Variants in PRKN observed in about 807,000 individuals in gnomAD.
The protein encoded by PRKN is parkin RBR E3 ubiquitin protein ligase, also known as E3 ubiquitin-protein ligase parkin.
PRKN carries 56 observed loss-of-function variants against 59.5 expected under a neutral mutation model. That is an observed-to-expected ratio of 0.94 (90% confidence interval 0.76 to 1.18). The LOEUF (loss-of-function observed/expected upper bound fraction) is 1.18, where lower values mean the gene tolerates loss of function less well. Among genes scored for constraint, PRKN ranks in the 50% most tolerant of loss-of-function variants. The pLI is 0.00. For missense variants in PRKN, 657 were observed against 596.4 expected (o/e 1.10, Z -1.06); for synonymous variants, 250 against 222.1 (o/e 1.13, Z -1.12).
chr6:162,203,415 G>A (rs370418153), intron 3 of PRKN, among the ~76,000 whole-genome samples: 10 of 152,096 alleles, frequency 6.6e-5, no homozygotes, highest in Non-Finnish European at 1.5e-4. Flanking sequence ...TGGCTGCAGC[G>A]CTTTTCAAGC....
At chr6:162,485,988 G>A (rs778130860) in intron 1 of PRKN, among the ~76,000 whole-genome samples, 3 of 152,246 alleles carry the variant, frequency 2.0e-5, no homozygotes, top group South Asian at 2.1e-4. Flanking sequence ...CACACAAATC[G>A]CTAACAAATT....
chr6:162,420,304 A>T (rs1788894253), intron 2 of PRKN, among the ~76,000 whole-genome samples: 1 of 152,148 alleles, frequency 6.6e-6, no homozygotes, highest in South Asian at 2.1e-4. Context: ...TGTTTAAAAT[A>T]CCATAGCCTG....
At chr6:161,864,748 C>A (rs920015371) in intron 6 of PRKN, among the ~76,000 whole-genome samples, 1 of 152,044 alleles carries the variant, frequency 6.6e-6, no homozygotes, top group African/African-American at 2.4e-5. Flanking sequence ...CCTCCACGTC[C>A]CAAGTTCAAG....
intron 4 of PRKN, among the ~76,000 whole-genome samples, chr6:162,184,475 G>C (rs1216561561): frequency 6.6e-6 from 1 of 152,118 alleles, no homozygotes; most frequent in Non-Finnish European, 1.5e-5. Context: ...TCATGATAGG[G>C]ATTAAGTTCT....
intron 7 of PRKN, among the ~76,000 whole-genome samples, chr6:161,642,408 C>T (rs1783777399): frequency 6.6e-6 from 1 of 152,064 alleles, no homozygotes; most frequent in Non-Finnish European, 1.5e-5. Context: ...GATCACAGTG[C>T]TTATTTTAAT....
At chr6:162,578,879 C>A (rs1005601551) in intron 1 of PRKN, among the ~76,000 whole-genome samples, 3 of 152,018 alleles carry the variant, frequency 2.0e-5, no homozygotes, top group Non-Finnish European at 4.4e-5. Flanking sequence ...AAAAGGAAAA[C>A]AAATTTTACT....
intron 4 of PRKN, among the ~76,000 whole-genome samples, chr6:162,195,837 G>C (rs1234577390): frequency 1.3e-5 from 2 of 152,128 alleles, no homozygotes; most frequent in Non-Finnish European, 2.9e-5. Context: ...GGAGGGATTA[G>C]CAATTCATAA....
intron 6 of PRKN, among the ~76,000 whole-genome samples, chr6:161,895,234 C>T (rs1777567128): frequency 6.6e-6 from 1 of 152,176 alleles, no homozygotes; most frequent in African/African-American, 2.4e-5. Context: ...AAGCTTTGCT[C>T]CAGCTTCACT....
intron 1 of PRKN, among the ~76,000 whole-genome samples, chr6:162,613,756 A>C (rs1782287103): frequency 6.6e-6 from 1 of 152,212 alleles, no homozygotes; most frequent in Non-Finnish European, 1.5e-5. Flanking sequence ...AATGGCTGAT[A>C]AAATGCCTTA....
At chr6:162,010,945 A>G (rs1176773663) in intron 5 of PRKN, among the ~76,000 whole-genome samples, 3 of 22,692 alleles carry the variant, frequency 1.3e-4, no homozygotes, top group Non-Finnish European at 1.9e-4. Flanking sequence ...TATATAATAT[A>G]TAATATATAA....
intron 5 of PRKN, among the ~76,000 whole-genome samples, chr6:161,980,108 T>A (rs1484461950): frequency 6.6e-6 from 1 of 152,216 alleles, no homozygotes; most frequent in East Asian, 1.9e-4. Context: ...TGGTCAAATC[T>A]GAAAAAATCA....
chr6:162,649,365 A>G (rs1354907393), intron 1 of PRKN, among the ~76,000 whole-genome samples: 1 of 152,184 alleles, frequency 6.6e-6, no homozygotes, highest in Admixed American at 6.5e-5. Context: ...TTTTAAGATA[A>G]GGGTGAAATA....
intron 1 of PRKN, among the ~76,000 whole-genome samples, chr6:162,478,506 G>A (rs939441143): frequency 3.3e-5 from 5 of 152,174 alleles, no homozygotes; most frequent in Non-Finnish European, 5.9e-5. Flanking sequence ...AACAATCTAG[G>A]CTTGGAGAGA....
chr6:162,162,801 A>G (rs1363638534), intron 4 of PRKN, among the ~76,000 whole-genome samples: 5 of 138,462 alleles, frequency 3.6e-5, no homozygotes, highest in African/African-American at 8.5e-5. Flanking sequence ...CAAGGTAAGG[A>G]GTTCGAGACC....
At chr6:162,229,799 C>T (rs180714267) in intron 3 of PRKN, among the ~76,000 whole-genome samples, 8 of 152,314 alleles carry the variant, frequency 5.3e-5, no homozygotes, top group African/African-American at 1.7e-4. Context: ...TTTGTACAAA[C>T]GACCAATACC....
At chr6:162,429,628 C>T (rs1172145397) in intron 2 of PRKN, among the ~76,000 whole-genome samples, 3 of 152,074 alleles carry the variant, frequency 2.0e-5, no homozygotes, top group African/African-American at 4.8e-5. Context: ...TGCCCCATTT[C>T]GCCTGCCACC....
At chr6:162,311,473 T>A (rs1257835906) in intron 2 of PRKN, among the ~76,000 whole-genome samples, 1 of 149,278 alleles carries the variant, frequency 6.7e-6, no homozygotes, top group Non-Finnish European at 1.5e-5. Context: ...GTAATAATAA[T>A]TTTTTTCCTT....
chr6:162,276,591 A>G (rs985534388), intron 2 of PRKN, among the ~76,000 whole-genome samples: 2 of 152,168 alleles, frequency 1.3e-5, no homozygotes, highest in Admixed American at 1.3e-4. Flanking sequence ...TTAAAAACAT[A>G]AAATTGTCAA....
intron 1 of PRKN, among the ~76,000 whole-genome samples, chr6:162,667,848 T>C (rs972540853): frequency 9.2e-5 from 14 of 152,106 alleles, no homozygotes; most frequent in Non-Finnish European, 1.6e-4. Flanking sequence ...TTAGTACTTA[T>C]CTCTTAGGGT....
Sources: allele counts gnomAD v4.1 joint callset (sites outside exome capture counted in the v4.1 genomes callset), GRCh38; gene constraint gnomAD v4.1.1; transcripts MANE v1.5; gene names NCBI Gene and HGNC (gene_info 2026-07-23, HGNC 2026-07-21).